Variants in CPED1 observed in about 807,000 individuals in gnomAD.
CPED1 encodes cadherin like and PC-esterase domain containing 1, also known as cadherin-like and PC-esterase domain-containing protein 1.
In CPED1, 114 loss-of-function variants were observed where a neutral mutation model predicts 128.2. The observed-to-expected ratio is 0.89, with a 90% CI of 0.76 to 1.04. The LOEUF (loss-of-function observed/expected upper bound fraction) is 1.04. Ranked by LOEUF, CPED1 falls within the 50% of genes least tolerant of loss-of-function variation. The probability of loss-of-function intolerance (pLI) is 0.00; values close to 1 mark genes in which losing one functional copy is unlikely to be tolerated. For missense variants in CPED1, 1,211 were observed against 1,207.1 expected (o/e 1.00, Z -0.05); for synonymous variants, 462 against 426.7 (o/e 1.08, Z -1.02).
chr7:121,266,067 T>A (rs1006138759), intron 18 of CPED1, among the ~76,000 whole-genome samples, 160 bp from the exon 19 acceptor site: 2 of 151,964 alleles, frequency 1.3e-5, no homozygotes, highest in African/African-American at 4.8e-5. Context: ...AGGAACAGGT[T>A]TGGGAGAGAA....
At chr7:121,234,620 A>T (rs1038979731) in intron 16 of CPED1, among the ~76,000 whole-genome samples, 1 of 151,942 alleles carries the variant, frequency 6.6e-6, no homozygotes, top group East Asian at 1.9e-4. Context: ...AATAAAAAGT[A>T]AAGCATTCTA....
chr7:121,244,673 G>A (rs981959962), intron 18 of CPED1, among the ~76,000 whole-genome samples: 1 of 152,208 alleles, frequency 6.6e-6, no homozygotes, highest in African/African-American at 2.4e-5. Flanking sequence ...AGAGCAGCTG[G>A]CCTTGTCAAC....
At chr7:121,057,694 C>T (rs1451464685) in intron 4 of CPED1, among the ~76,000 whole-genome samples, 1 of 152,182 alleles carries the variant, frequency 6.6e-6, no homozygotes, top group African/African-American at 2.4e-5. Context: ...TTCATTCATT[C>T]ATTTATTCAT....
chr7:121,024,699 G>C (rs2116840270), intron 3 of CPED1, among the ~76,000 whole-genome samples: 1 of 152,112 alleles, frequency 6.6e-6, no homozygotes, highest in Admixed American at 6.6e-5. Flanking sequence ...CTTTAAAATG[G>C]AAAAAAGACT....
intron 16 of CPED1, among the ~76,000 whole-genome samples, chr7:121,183,134 G>A (rs1178107833): frequency 6.6e-6 from 1 of 152,042 alleles, no homozygotes; most frequent in African/African-American, 2.4e-5. Context: ...CAAGTGCTGA[G>A]TGCTTATCTA....
intron 5 of CPED1, among the ~76,000 whole-genome samples, chr7:121,094,992 A>T (rs923641546): frequency 6.6e-6 from 1 of 152,178 alleles, no homozygotes; most frequent in Non-Finnish European, 1.5e-5. Context: ...TTTTCCATTC[A>T]GTTTGCATAT....
chr7:121,211,570 G>A lies in CPED1; in HGVS notation c.2056-25144G>A, dbSNP rs1022457042. ...CATATCTGATTGGGACAGCAGACACGTGACATATTCTGGAGATCAGCTTGA... is the reference window on the plus strand; with the variant it reads ...CATATCTGATTGGGACAGCAGACACATGACATATTCTGGAGATCAGCTTGA... On this transcript the variant is annotated intron_variant, in intron 16 of 22. Coordinates refer to ENST00000310396, the MANE Select transcript of CPED1 (RefSeq NM_024913.5). 0.03 allele frequency among the ~76,000 whole-genome samples: 19 copies of A among 644 alleles called. No homozygotes were observed. In the East Asian group the frequency reaches 0.41, roughly 14 times the overall value. The allele number at this position is 644 out of a possible 152,430, so 0.4% of individuals were successfully genotyped here.
intron 16 of CPED1, among the ~76,000 whole-genome samples, chr7:121,160,879 T>C (rs1796397497): frequency 6.6e-6 from 1 of 151,466 alleles, no homozygotes; most frequent in African/African-American, 2.4e-5. Flanking sequence ...CTCTCAATGC[T>C]CCAGACAACT....
chr7:121,097,111 T>G (rs1453838537), intron 5 of CPED1, among the ~76,000 whole-genome samples: 1 of 152,176 alleles, frequency 6.6e-6, no homozygotes, highest in African/African-American at 2.4e-5. Flanking sequence ...ATCATGTATA[T>G]GCAATAACTT....
intron 18 of CPED1, among the ~76,000 whole-genome samples, chr7:121,256,624 C>T (rs1218932355): frequency 6.6e-6 from 1 of 152,024 alleles, no homozygotes; most frequent in East Asian, 1.9e-4. Context: ...AGTTCAGCCA[C>T]TGTGGAAAGC....
At chr7:121,044,918 C>G (rs1793154471) in intron 3 of CPED1, among the ~76,000 whole-genome samples, 1 of 152,062 alleles carries the variant, frequency 6.6e-6, no homozygotes, top group Non-Finnish European at 1.5e-5. Context: ...TCCCTCTGTG[C>G]ATATCCTTAT....
rs755840027 is a variant in CPED1, at chr7:121,295,646, T to G, written c.3075T>G (p.Thr1025=). Residue 1025 remains threonine, a synonymous_variant, in exon 23 of 23, where the codon ACT becomes ACG. Transcript: ENST00000310396. Reference sequence around the variant, plus strand: ...GCAGGATGTGTGCAAATAAAAGGACTATGTAGGCTCCCTGCAGGAGAGCTG... The same window carrying G: ...GCAGGATGTGTGCAAATAAAAGGACGATGTAGGCTCCCTGCAGGAGAGCTG... ...LLSRMCANKR[T]M 5.6e-6 allele frequency: 9 copies of G among 1,613,530 alleles called. No individual in the cohort carries two copies. Among genetic ancestry groups the G allele is most frequent in the Non-Finnish European group, 7.6e-6 (9 of 1,179,532 alleles).
intron 7 of CPED1, among the ~76,000 whole-genome samples, chr7:121,119,135 C>CT (rs202203893): frequency 0.33 from 48,345 of 146,512 alleles, 8,104 homozygotes; most frequent in Middle Eastern, 0.5. Flanking sequence ...TTTGGAAGAA[C>CT]TTTTTTTTTT....
chr7:121,166,688 T>C (rs2140647), intron 16 of CPED1, among the ~76,000 whole-genome samples: 151,067 of 152,314 alleles, frequency 0.99, 74,927 homozygotes, highest in Middle Eastern at 1. Context: ...TTCTTCTTCT[T>C]TTTGGAGTAA....
intron 3 of CPED1, among the ~76,000 whole-genome samples, chr7:121,031,570 GAGCCACCACACTC>G (rs1792734015): frequency 6.6e-6 from 1 of 152,146 alleles, no homozygotes; most frequent in African/African-American, 2.4e-5. Context: ...TTATGGGCAT[GAGCCACCACACTC>G]AGCCAGTCTC....
intron 16 of CPED1, among the ~76,000 whole-genome samples, chr7:121,162,866 A>G (rs1796441857): frequency 6.6e-6 from 1 of 152,248 alleles, no homozygotes; most frequent in Non-Finnish European, 1.5e-5. Context: ...AAATATCATT[A>G]TCACTGATTG....
intron 5 of CPED1, among the ~76,000 whole-genome samples, chr7:121,093,397 T>TACATAC (rs1554433496): frequency 6.9e-6 from 1 of 145,470 alleles, no homozygotes; most frequent in Non-Finnish European, 1.5e-5. Context: ...CCTTTTTCTG[T>TACATAC]ACACACACAC....
chr7:121,237,655 C>T (rs752156062), intron 17 of CPED1, among the ~76,000 whole-genome samples: 19 of 152,098 alleles, frequency 1.2e-4, no homozygotes, highest in Non-Finnish European at 2.8e-4. Flanking sequence ...GCATCTTCTC[C>T]AAGTTTCCTG....
chr7:121,129,355 A>G (rs1391955657), intron 11 of CPED1, among the ~76,000 whole-genome samples: 2 of 145,548 alleles, frequency 1.4e-5, no homozygotes, highest in Admixed American at 1.4e-4. Flanking sequence ...ATATATACAT[A>G]CATACACTAC....
Sources: allele counts gnomAD v4.1 joint callset (sites outside exome capture counted in the v4.1 genomes callset), GRCh38; gene constraint gnomAD v4.1.1; transcripts MANE v1.5; gene names NCBI Gene and HGNC (gene_info 2026-07-23, HGNC 2026-07-21).